SGCD: variants seen among roughly 807,000 people sequenced by gnomAD.
SGCD encodes the protein delta-sarcoglycan.
In SGCD, 18 loss-of-function variants were observed where a neutral mutation model predicts 36.6. That is an observed-to-expected ratio of 0.49 (90% CI 0.34 to 0.73). The LOEUF is 0.73. Ranked by LOEUF, SGCD falls within the 30% of genes least tolerant of loss-of-function variation. The pLI, the probability that SGCD is intolerant of heterozygous loss-of-function variation, is 0.01. For missense variants in SGCD, 387 were observed against 346.7 expected (o/e 1.12, Z -0.92); for synonymous variants, 133 against 130.6 (o/e 1.02, Z -0.12).
intron 3 of SGCD, among the ~76,000 whole-genome samples, chr5:156,217,873 C>G (rs1252890588): frequency 6.6e-6 from 1 of 151,960 alleles, no homozygotes; most frequent in Non-Finnish European, 1.5e-5. Flanking sequence ...ATTTCTATAT[C>G]TAGTTTATTC....
At chr5:156,160,826 C>T (rs964384882) in intron 3 of SGCD, among the ~76,000 whole-genome samples, 4 of 151,624 alleles carry the variant, frequency 2.6e-5, no homozygotes, top group Non-Finnish European at 4.4e-5. Flanking sequence ...TTGTCCTATT[C>T]TTGCCTCTTC....
intron 1 of SGCD, among the ~76,000 whole-genome samples, chr5:156,025,874 G>A (rs1215572384): frequency 6.6e-6 from 1 of 152,198 alleles, no homozygotes; most frequent in African/African-American, 2.4e-5. Flanking sequence ...TGGTAGTTTT[G>A]TTCATGCTGT....
intron 4 of SGCD, among the ~76,000 whole-genome samples, chr5:156,535,247 C>T (rs1284991045): frequency 6.6e-6 from 1 of 152,124 alleles, no homozygotes; most frequent in Non-Finnish European, 1.5e-5. Context: ...GGTATACCCA[C>T]AAGCAAAATA....
At chr5:156,489,769 A>G (rs531869324) in intron 3 of SGCD, among the ~76,000 whole-genome samples, 29 of 152,144 alleles carry the variant, frequency 1.9e-4, no homozygotes, top group African/African-American at 7.0e-4. Context: ...CACCAAAGAA[A>G]GTGGAAGGAT....
chr5:156,460,705 C>G (rs901110978), intron 3 of SGCD, among the ~76,000 whole-genome samples: 1 of 152,136 alleles, frequency 6.6e-6, no homozygotes, highest in Non-Finnish European at 1.5e-5. Context: ...GTGACTCACT[C>G]TAGTATACCA....
At chr5:156,030,299 A>G (rs1429664348) in intron 1 of SGCD, among the ~76,000 whole-genome samples, 1 of 152,220 alleles carries the variant, frequency 6.6e-6, no homozygotes, top group Non-Finnish European at 1.5e-5. Context: ...AGATGTAATC[A>G]AGTTAAGGCG....
intron 3 of SGCD, among the ~76,000 whole-genome samples, chr5:156,187,511 G>A (rs547894648): frequency 6.9e-6 from 1 of 145,564 alleles, no homozygotes; most frequent in African/African-American, 2.5e-5. Flanking sequence ...TCTTGAGTCT[G>A]ACCTTACTAG....
rs192140595 is a variant in SGCD at position 155,970,457 on chromosome 5, G to A, written c.-282+100033G>A. On this transcript the variant is annotated intron_variant, in intron 1 of 9. Transcript: ENST00000517913. ...AAAATGATTCTAAGGTGCTAGAGTT[G>A]TAGCAGTAAACACAGCAAATTATCT... Among the ~76,000 whole-genome samples, 243 of 152,296 alleles carry A rather than the reference G, an allele frequency of 1.6e-3. 1 individual carries two copies. The highest frequency in any genetic ancestry group is 5.5e-3 in the African/African-American group (230 of 41,572).
the SGCD span, among the ~76,000 whole-genome samples, chr5:155,766,943 A>G: frequency 1.1e-4 from 17 of 152,184 alleles, no homozygotes; most frequent in African/African-American, 3.9e-4. Context: ...GTGTGTAGAA[A>G]GTGACCAACC....
At chr5:156,604,843 T>C (rs1257890248) in intron 6 of SGCD, among the ~76,000 whole-genome samples, 2 of 148,608 alleles carry the variant, frequency 1.3e-5, no homozygotes, top group African/African-American at 2.5e-5. Context: ...TTCACACATA[T>C]ATACATATAT....
chr5:156,200,874 G>A (rs1364187274), intron 3 of SGCD, among the ~76,000 whole-genome samples: 1 of 152,130 alleles, frequency 6.6e-6, no homozygotes, highest in Non-Finnish European at 1.5e-5. Flanking sequence ...TAAGCAAAAT[G>A]CAGTAGAGAC....
rs1266539122 is a variant in SGCD, at chr5:156,051,221, A to C, written c.-281-66657A>C. ...GAGAGGGAGGAAAGAAAGGGGGAAA[A>C]TATTTTCCCAGAGAAGTTTGAATTT... On this transcript the variant is annotated intron_variant, in intron 1 of 9. Coordinates refer to the SGCD transcript ENST00000517913. Among the ~76,000 whole-genome samples, 6 of 146,220 alleles carry C rather than the reference A, an allele frequency of 4.1e-5. 1 individual carries two copies. Among genetic ancestry groups the C allele is most frequent in the Non-Finnish European group, 9.2e-5 (6 of 64,910 alleles).
chr5:155,839,512 C>G, the SGCD span, among the ~76,000 whole-genome samples: 1 of 152,132 alleles, frequency 6.6e-6, no homozygotes, highest in Non-Finnish European at 1.5e-5. Context: ...TTCGCTTTGG[C>G]ATAAGGAGTT....
At chr5:156,324,864 T>C (rs1162742777), upstream of SGCD, among the ~76,000 whole-genome samples, 1 of 152,226 alleles carries the variant, frequency 6.6e-6, no homozygotes, top group South Asian at 2.1e-4. Flanking sequence ...CGTAGAAGTC[T>C]GATTCTTTAG....
intron 3 of SGCD, among the ~76,000 whole-genome samples, chr5:156,383,517 A>G (rs1771110162): frequency 6.6e-6 from 1 of 151,838 alleles, no homozygotes; most frequent in African/African-American, 2.4e-5. Context: ...AAAAAGAAAA[A>G]GAAAGAAAGA....
Position 156,205,632 on chromosome 5 carries a change from A to G in SGCD, c.-44+81613A>G, listed in dbSNP as rs990139201. On this transcript the variant is annotated intron_variant, in intron 3 of 9. Transcript: ENST00000517913. ...AGAATGTCCTTGATATCTGTAGACTATATCTTCTGAAAGTGCAACTTGGAT... is the reference window on the plus strand; with the variant it reads ...AGAATGTCCTTGATATCTGTAGACTGTATCTTCTGAAAGTGCAACTTGGAT... 1.3e-5 allele frequency among the ~76,000 whole-genome samples: 2 copies of G among 152,074 alleles called. 1 individual carries two copies. Among genetic ancestry groups the G allele is most frequent in the Admixed American group, 1.3e-4 (2 of 15,252 alleles).
the SGCD span, among the ~76,000 whole-genome samples, chr5:155,830,247 G>A: frequency 6.6e-6 from 1 of 152,174 alleles, no homozygotes; most frequent in African/African-American, 2.4e-5. Flanking sequence ...GTGCCAGCAG[G>A]GTGGGCTTCT....
intron 1 of SGCD, among the ~76,000 whole-genome samples, chr5:155,917,606 C>A (rs1326504134): frequency 6.6e-6 from 1 of 152,018 alleles, no homozygotes; most frequent in Non-Finnish European, 1.5e-5. Context: ...AAACATACAG[C>A]CTAACCAACT....
At chr5:156,472,377 AC>A (rs1755010048) in intron 3 of SGCD, among the ~76,000 whole-genome samples, 1 of 152,204 alleles carries the variant, frequency 6.6e-6, no homozygotes. Context: ...ATTCCTACTC[AC>A]CAATAAAAAA....
Sources: gnomAD v4.1 joint callset for allele counts (sites outside exome capture counted in the v4.1 genomes callset) on GRCh38, gnomAD v4.1.1 for gene constraint, MANE v1.5 for transcripts, NCBI Gene and HGNC (gene_info 2026-07-23, HGNC 2026-07-21) for gene names.